Variants in DAB1 observed in about 807,000 individuals in gnomAD.
The protein encoded by DAB1 is disabled homolog 1.
DAB1 carries 15 observed loss-of-function variants against 64.6 expected under a neutral mutation model. The observed-to-expected ratio is 0.23, with a 90% CI of 0.16 to 0.36. The LOEUF (loss-of-function observed/expected upper bound fraction) is 0.36. Among genes scored for constraint, DAB1 ranks in the 10% least tolerant of loss-of-function variants. DAB1 has a pLI of 1.00. For synonymous variants in DAB1, 235 were observed against 251.9 expected (o/e 0.93, Z 0.64); for missense variants, 596 against 706.7 (o/e 0.84, Z 1.78).
intron 6 of DAB1, among the ~76,000 whole-genome samples, chr1:57,730,513 C>T (rs1294265862): frequency 6.7e-6 from 1 of 149,586 alleles, no homozygotes; most frequent in Admixed American, 6.6e-5. Flanking sequence ...GTAGATGTCT[C>T]CAAACTTAAG....
intron 4 of DAB1, among the ~76,000 whole-genome samples, chr1:58,171,177 T>C (rs959749640): frequency 2.6e-4 from 40 of 152,318 alleles, no homozygotes; most frequent in Admixed American, 1.1e-3. Context: ...AAGTTACCCA[T>C]TTGTTGTCCC....
At chr1:58,359,853 T>G (rs1644148062) in intron 3 of DAB1, among the ~76,000 whole-genome samples, 3 of 152,258 alleles carry the variant, frequency 2.0e-5, no homozygotes, top group Non-Finnish European at 2.9e-5. Flanking sequence ...GTGTACAAGT[T>G]TGGAAGTTAA....
At chr1:58,045,701 C>T (rs1198400872) in intron 5 of DAB1, among the ~76,000 whole-genome samples, 1 of 152,112 alleles carries the variant, frequency 6.6e-6, no homozygotes, top group Non-Finnish European at 1.5e-5. Context: ...GAAATCCATA[C>T]TCACTCACCC....
At chr1:57,286,640 A>G (rs941138155) in intron 2 of DAB1, among the ~76,000 whole-genome samples, 6 of 152,228 alleles carry the variant, frequency 3.9e-5, no homozygotes, top group Non-Finnish European at 8.8e-5. Flanking sequence ...TTTTCCAGAA[A>G]TAGTCCTCAA....
At chr1:57,027,137 G>C (rs1646815364) in intron 9 of DAB1, among the ~76,000 whole-genome samples, 1 of 152,172 alleles carries the variant, frequency 6.6e-6, no homozygotes, top group Admixed American at 6.5e-5. Context: ...TTCATCCAAA[G>C]AAGGGAATGT....
chr1:57,636,122 A>G (rs1646053722), intron 7 of DAB1, among the ~76,000 whole-genome samples: 1 of 150,750 alleles, frequency 6.6e-6, no homozygotes, highest in Non-Finnish European at 1.5e-5. Flanking sequence ...AACAAAAACA[A>G]AAAACTGGTG....
intron 4 of DAB1, among the ~76,000 whole-genome samples, chr1:58,323,491 C>T (rs1040012031): frequency 5.9e-5 from 9 of 152,020 alleles, no homozygotes; most frequent in African/African-American, 2.2e-4. Context: ...TAGACATCCA[C>T]GGAAAGGCCT....
intron 2 of DAB1, among the ~76,000 whole-genome samples, chr1:57,157,425 T>G (rs552705459): frequency 6.6e-6 from 1 of 152,250 alleles, no homozygotes; most frequent in East Asian, 1.9e-4. Context: ...ACAACAGACA[T>G]TTATTTCTCA....
chr1:57,682,551 A>T (rs1646648111), intron 6 of DAB1, among the ~76,000 whole-genome samples: 1 of 151,856 alleles, frequency 6.6e-6, no homozygotes. Context: ...TGCACAAGGT[A>T]CCTGAATGGC....
chr1:57,083,077 T>A (rs528368647), intron 4 of DAB1, among the ~76,000 whole-genome samples: 1 of 152,310 alleles, frequency 6.6e-6, no homozygotes, highest in Non-Finnish European at 1.5e-5. Flanking sequence ...TTGCTATGCA[T>A]AGAGTTCCTG....
intron 4 of DAB1, among the ~76,000 whole-genome samples, chr1:58,186,619 A>G (rs1342256474): frequency 6.6e-6 from 1 of 152,232 alleles, no homozygotes; most frequent in Admixed American, 6.5e-5. Context: ...CATCTGTATT[A>G]GTTTTATTTT....
At chr1:57,006,640 G>C (rs1215386992) in intron 14 of DAB1, among the ~76,000 whole-genome samples, 1 of 152,136 alleles carries the variant, frequency 6.6e-6, no homozygotes, top group East Asian at 1.9e-4. Context: ...CCAAGGAAGT[G>C]GGACACTGTG....
At chr1:58,063,677 C>G (rs7516066) in intron 5 of DAB1, among the ~76,000 whole-genome samples, 31,548 of 152,118 alleles carry the variant, frequency 0.21, 3,723 homozygotes, top group East Asian at 0.31. Flanking sequence ...AAAACACTGA[C>G]AGCCCACTAT....
At chr1:58,375,254 G>A (rs967115598) in intron 3 of DAB1, among the ~76,000 whole-genome samples, 2 of 146,542 alleles carry the variant, frequency 1.4e-5, no homozygotes, top group African/African-American at 2.5e-5. Context: ...TCCCTGTCTT[G>A]TGCCAGTTTT....
At chr1:58,377,702 A>T (rs1190189467) in intron 3 of DAB1, among the ~76,000 whole-genome samples, 5 of 138,810 alleles carry the variant, frequency 3.6e-5, no homozygotes, top group African/African-American at 1.4e-4. Context: ...TGTTCTCTGT[A>T]TTTCCTGAAT....
intron 4 of DAB1, among the ~76,000 whole-genome samples, chr1:57,099,491 T>C (rs1654472745): frequency 6.6e-6 from 1 of 152,206 alleles, no homozygotes; most frequent in Non-Finnish European, 1.5e-5. Flanking sequence ...ACTAATAGTG[T>C]AAGCTAGGTA....
At chr1:57,887,043 C>T (rs6670853), upstream of DAB1, among the ~76,000 whole-genome samples, 37,884 of 151,944 alleles carry the variant, frequency 0.25, 5,490 homozygotes, top group Non-Finnish European at 0.32. Context: ...CTTACATATC[C>T]GATTCCCTCT....
chr1:58,478,236 G>A (rs926200007), intron 3 of DAB1, among the ~76,000 whole-genome samples: 13 of 152,204 alleles, frequency 8.5e-5, no homozygotes, highest in Non-Finnish European at 1.0e-4. Context: ...CTGCCACCAC[G>A]TGAGACATGC....
At chr1:58,076,942 C>A (rs1263304545) in intron 5 of DAB1, among the ~76,000 whole-genome samples, 3 of 152,088 alleles carry the variant, frequency 2.0e-5, no homozygotes, top group East Asian at 1.9e-4. Context: ...TAGGTAACTG[C>A]ACATCTGACT....
Sources: gnomAD v4.1 joint callset for allele counts (sites outside exome capture counted in the v4.1 genomes callset) on GRCh38, gnomAD v4.1.1 for gene constraint, MANE v1.5 for transcripts, NCBI Gene and HGNC (gene_info 2026-07-23, HGNC 2026-07-21) for gene names.